ARHGEF28: variants seen among roughly 807,000 people sequenced by gnomAD.
ARHGEF28 encodes the protein 190 kDa guanine nucleotide exchange factor.
A neutral mutation model predicts 206.6 loss-of-function variants in ARHGEF28; 152 were observed. That is an observed-to-expected ratio of 0.74 (90% CI 0.64 to 0.84). The LOEUF is 0.84. ARHGEF28 is among the 40% of genes least tolerant of loss of function. The pLI is 0.00. For missense variants in ARHGEF28, 2,028 were observed against 2,073.2 expected (o/e 0.98, Z 0.42); for synonymous variants, 763 against 776.4 (o/e 0.98, Z 0.29).
intron 1 of ARHGEF28, among the ~76,000 whole-genome samples, chr5:73,654,595 G>A (rs1231774467): frequency 6.6e-6 from 1 of 152,208 alleles, no homozygotes; most frequent in African/African-American, 2.4e-5. Context: ...AATTCACCAT[G>A]AGTCATTAGC....
At chr5:73,741,385 G>GTA (rs67973637) in intron 2 of ARHGEF28, among the ~76,000 whole-genome samples, 21 of 21,862 alleles carry the variant, frequency 9.6e-4, no homozygotes, top group Middle Eastern at 0.023. Context: ...GTGTGTGTGT[G>GTA]TATATATATA....
rs114535616 is a variant in ARHGEF28, at chr5:73,744,110, G to A, written c.34-5727G>A. 2.9e-3 allele frequency among the ~76,000 whole-genome samples: 436 copies of A among 152,184 alleles called. 7 individuals are homozygous for A. The highest frequency in any genetic ancestry group is 0.01 in the African/African-American group (423 of 41,542). ...CACAAGAAAGCACTGTATAAATTGTGGTGTGCTGTACACATAGATAATATG... is the reference window on the plus strand; with the variant it reads ...CACAAGAAAGCACTGTATAAATTGTAGTGTGCTGTACACATAGATAATATG... On this transcript the variant is annotated intron_variant, in intron 2 of 35. Coordinates refer to ENST00000513042, the MANE Select transcript of ARHGEF28 (RefSeq NM_001177693.2).
chr5:73,924,602 T>C (rs188111929), intron 35 of ARHGEF28, among the ~76,000 whole-genome samples: 111 of 152,354 alleles, frequency 7.3e-4, no homozygotes, highest in African/African-American at 2.5e-3. Context: ...AAGTGGTTGC[T>C]CTGGGGACCA....
intron 3 of ARHGEF28, among the ~76,000 whole-genome samples, chr5:73,752,381 A>G (rs527792220): frequency 6.6e-6 from 1 of 152,266 alleles, no homozygotes; most frequent in African/African-American, 2.4e-5. Context: ...ATAGATATGT[A>G]TATATATATT....
intron 1 of ARHGEF28, among the ~76,000 whole-genome samples, chr5:73,636,289 C>T (rs1311255942): frequency 6.6e-6 from 1 of 152,226 alleles, no homozygotes; most frequent in Admixed American, 6.5e-5. Context: ...ACTTGGCATG[C>T]TTGTCTCACA....
intron 18 of ARHGEF28, among the ~76,000 whole-genome samples, chr5:73,866,818 A>C (rs1759735791): frequency 6.6e-6 from 1 of 152,176 alleles, no homozygotes; most frequent in South Asian, 2.1e-4. Context: ...CTTCTGCCTA[A>C]AGTTGTGTTG....
chr5:73,690,525 C>CAAAAAAA (rs71615796), intron 2 of ARHGEF28, among the ~76,000 whole-genome samples: 1 of 23,354 alleles, frequency 4.3e-5, no homozygotes, highest in Non-Finnish European at 1.3e-4. Context: ...TCTGTCTTTA[C>CAAAAAAA]AAAAAAAAAA....
intron 1 of ARHGEF28, among the ~76,000 whole-genome samples, chr5:73,682,702 A>G (rs1747186245): frequency 6.6e-6 from 1 of 152,114 alleles, no homozygotes; most frequent in African/African-American, 2.4e-5. Flanking sequence ...GTGAGCCACC[A>G]TGCCCAGCCC....
At chr5:73,908,734 C>T (rs1171928631) in intron 33 of ARHGEF28, 4 of 152,122 alleles carry the variant, frequency 2.6e-5, no homozygotes, top group African/African-American at 9.7e-5. Flanking sequence ...ATCTATTAAA[C>T]AAATAAATTT....
At chr5:73,736,434 C>T (rs1750939041) in intron 2 of ARHGEF28, among the ~76,000 whole-genome samples, 1 of 152,130 alleles carries the variant, frequency 6.6e-6, no homozygotes, top group African/African-American at 2.4e-5. Flanking sequence ...GTCTCTCTTT[C>T]CTCATCTATA....
chr5:73,894,540 A>G lies in ARHGEF28; in HGVS notation c.3806A>G (p.Gln1269Arg), dbSNP rs1179196352. 1.9e-6 allele frequency: 3 copies of G among 1,613,926 alleles called. No homozygotes were observed. Among genetic ancestry groups the G allele is most frequent in the Non-Finnish European group, 2.5e-6 (3 of 1,179,876 alleles). Reference protein sequence around the residue: ...LIKPDPGEPPQAASLLAAALK... With the variant: ...LIKPDPGEPPRAASLLAAALK... Reference sequence around the variant, plus strand: ...AAACCTGACCCAGGCGAGCCTCCCCAGGCAGCCTCATTACTGGCAGCAGCA... The same window carrying G: ...AAACCTGACCCAGGCGAGCCTCCCCGGGCAGCCTCATTACTGGCAGCAGCA... The change falls in exon 29 of 36, where the codon CAG becomes CGG. Residue 1269 changes from glutamine to arginine, a missense_variant. This residue lies in a region of ARHGEF28 where 803 missense variants were observed against 768.0 expected (regional missense o/e 1.05). Transcript: ENST00000513042.
Position 73,806,423 on chromosome 5 carries a change from CTA to C in ARHGEF28, c.1024+11039_1024+11040del, listed in dbSNP as rs1177832153. Among the ~76,000 whole-genome samples, 129 of 118,202 alleles carry C rather than the reference CTA, an allele frequency of 1.1e-3. 3 individuals are homozygous for C. Among genetic ancestry groups the C allele is most frequent in the Non-Finnish European group, 1.9e-3 (115 of 60,126 alleles). 77.5% of individuals were successfully genotyped at this position (118,202 alleles called of 152,430 possible). ...ACATATATAGATATATAGATATATA[CTA>C]TATATAGTATGTATATAGTATATAT... is the stretch of plus-strand genomic sequence containing the variant. On this transcript the variant is annotated intron_variant, in intron 9 of 35. Coordinates refer to ENST00000513042, the MANE Select transcript of ARHGEF28 (RefSeq NM_001177693.2).
intron 16 of ARHGEF28, 105 bp from the exon 17 acceptor site, chr5:73,864,711 GT>G: frequency 1.1e-6 from 1 of 934,954 alleles, no homozygotes. Context: ...TATTTGTAAT[GT>G]TTATGTGTTT....
At chr5:73,713,233 T>G (rs929537394) in intron 2 of ARHGEF28, among the ~76,000 whole-genome samples, 4 of 152,222 alleles carry the variant, frequency 2.6e-5, no homozygotes, top group Non-Finnish European at 5.9e-5. Flanking sequence ...CCAAGTGAAC[T>G]CCAATGACAT....
At chr5:73,921,045 T>C (rs1763497271) in intron 35 of ARHGEF28, among the ~76,000 whole-genome samples, 1 of 152,202 alleles carries the variant, frequency 6.6e-6, no homozygotes, top group African/African-American at 2.4e-5. Flanking sequence ...TTAAACTCTT[T>C]TTTTCTTCTG....
At position 73,846,395 on chromosome 5, in the gene ARHGEF28, T is replaced by C; in HGVS notation, c.1555T>C (p.Ser519Pro). The C allele has an allele frequency of 6.2e-7, 1 of 1,613,980 alleles. No homozygotes were observed. The highest frequency in any genetic ancestry group is 8.5e-7 in the Non-Finnish European group (1 of 1,179,860). Reference sequence around the variant, plus strand: ...GATTCCTAGTGGGGATGAATTGGACTCTTTTGAGACTAACACTGAACCGGA... The same window carrying C: ...GATTCCTAGTGGGGATGAATTGGACCCTTTTGAGACTAACACTGAACCGGA... ...TGIPSGDELDSFETNTEPDFN... is the reference protein window; with the variant it reads ...TGIPSGDELDPFETNTEPDFN... Residue 519 changes from serine (S) to proline (P), a missense_variant, in exon 12 of 36, where the codon TCT becomes CCT. Physicochemically the swap from Ser to Pro is moderately conservative, Grantham distance 74 (BLOSUM62 -1). Coordinates refer to ENST00000513042, the MANE Select transcript of ARHGEF28 (RefSeq NM_001177693.2).
chr5:73,867,757 G>A, intron 18 of ARHGEF28, 119 bp from the exon 19 acceptor site: 8 of 1,341,268 alleles, frequency 6.0e-6, no homozygotes, highest in Non-Finnish European at 8.2e-6. Context: ...TTTTAAGGCA[G>A]AGCATGCATC....
At chr5:73,682,236 T>G (rs889701084) in intron 1 of ARHGEF28, among the ~76,000 whole-genome samples, 5 of 152,170 alleles carry the variant, frequency 3.3e-5, no homozygotes, top group Non-Finnish European at 5.9e-5. Flanking sequence ...CTCACTCATC[T>G]CTCAAGATGT....
At chr5:73,887,546 C>A in intron 25 of ARHGEF28, 57 bp from the exon 26 acceptor site, 1 of 1,303,254 alleles carries the variant, frequency 7.7e-7, no homozygotes, top group Non-Finnish European at 1.1e-6. Flanking sequence ...GATTTTTATT[C>A]AGTTTATTTG....
Sources: gnomAD v4.1 joint callset for allele counts (sites outside exome capture counted in the v4.1 genomes callset) on GRCh38, gnomAD v4.1.1 for gene constraint, gnomAD v4.1.1 regional missense constraint, MANE v1.5 for transcripts, NCBI Gene and HGNC (gene_info 2026-07-23, HGNC 2026-07-21) for gene names.